The following MCPH1 variants were observed in gnomAD, a reference collection of about 807,000 sequenced individuals.
The protein encoded by MCPH1 is microcephalin 1.
MCPH1 carries 104 observed loss-of-function variants against 84.5 expected under a neutral mutation model. The ratio of observed to expected loss-of-function variants is 1.23; its 90% CI spans 1.05 to 1.45. MCPH1 has a LOEUF of 1.45. Ranked by LOEUF, MCPH1 falls within the 40% of genes most tolerant of loss-of-function variation. The pLI is 0.00. For missense variants in MCPH1, 1,498 were observed against 1,005.7 expected, an observed-to-expected ratio of 1.49 and a Z score of -6.62; for synonymous variants, 514 against 366.8, an observed-to-expected ratio of 1.40 and a Z score of -4.58.
Position 6,444,744 on chromosome 8 carries a change from G to C in MCPH1, c.1022G>C (p.Gly341Ala), listed in dbSNP as rs1394366505. 1 of 1,613,964 alleles carries C rather than the reference G, an allele frequency of 6.2e-7. No individual in the cohort carries two copies. The highest frequency in any genetic ancestry group is 8.5e-7 in the Non-Finnish European group (1 of 1,179,958). Residue 341 changes from glycine (G) to alanine (A), a missense_variant, in exon 8 of 14, where the codon GGC becomes GCC. By Grantham distance (60) the Gly-to-Ala change is moderately conservative. Coordinates refer to ENST00000344683, the MANE Select transcript of MCPH1 (RefSeq NM_024596.5). ...TCTCCTACCTTATCTTCAACAAAAG[G>C]CCACCTTTTGATACATTCAAGACCC... ...RLSPTLSSTKGHLLIHSRPRS... is the reference protein window; with the variant it reads ...RLSPTLSSTKAHLLIHSRPRS...
At chr8:6,639,024 G>A (rs752995689) in intron 13 of MCPH1, among the ~76,000 whole-genome samples, 12 of 152,218 alleles carry the variant, frequency 7.9e-5, no homozygotes, top group Non-Finnish European at 1.5e-4. Context: ...GCCATGAGAG[G>A]TGTAAGGTAC....
At position 6,645,407 on chromosome 8, in the gene MCPH1, A is replaced by G. The variant is rs910686167; in HGVS notation, c.*2358A>G. ...AGCCTTACTCAAAACATATAGGGCT[A>G]GAGGTTCTCAGGATTCTGAATTTTA... is the stretch of plus-strand genomic sequence containing the variant. On this transcript the variant is annotated 3_prime_UTR_variant, in exon 14 of 14. Transcript: ENST00000344683. The G allele has an allele frequency of 2.6e-5, 4 of 152,186 alleles. No individual in the cohort carries two copies. Among genetic ancestry groups the G allele is most frequent in the African/African-American group, 9.7e-5 (4 of 41,428 alleles). The allele number at this position is 152,186 out of a possible 1,614,324, so 9.4% of individuals were successfully genotyped here. A position where few individuals can be genotyped will look rare whatever the true frequency, so the allele number is the denominator to read the frequency against.
intron 9 of MCPH1, among the ~76,000 whole-genome samples, chr8:6,467,113 AATT>A (rs1807079021): frequency 6.6e-6 from 1 of 152,238 alleles, no homozygotes; most frequent in Non-Finnish European, 1.5e-5. Context: ...TTGTTAAAAA[AATT>A]ATGAGGTATT....
intron 3 of MCPH1, among the ~76,000 whole-genome samples, chr8:6,418,239 C>T (rs1472733022): frequency 3.3e-5 from 5 of 152,134 alleles, no homozygotes; most frequent in Admixed American, 6.5e-5. Context: ...GTGCTTGCTG[C>T]GCCACACCAG....
chr8:6,491,411 A>T (rs1487518972), intron 11 of MCPH1, among the ~76,000 whole-genome samples: 18 of 138,218 alleles, frequency 1.3e-4, no homozygotes, highest in African/African-American at 3.9e-4. Context: ...AAAGATTATT[A>T]TTAGGACAGA....
Position 6,466,495 on chromosome 8 carries a change from A to G in MCPH1, c.1936-11099A>G, listed in dbSNP as rs549995887. The stretch of plus-strand genomic sequence containing the variant: ...GCTAAGTTTTTGTATTTTCGGTAGC[A>G]ACGAGGTTTCGCCGTATTAGCCAGG... On this transcript the variant is annotated intron_variant, in intron 9 of 13. Coordinates refer to ENST00000344683, the MANE Select transcript of MCPH1 (RefSeq NM_024596.5). Among the ~76,000 whole-genome samples, 362 of 152,266 alleles carry G rather than the reference A, an allele frequency of 2.4e-3. 4 individuals are homozygous for G. Among genetic ancestry groups the G allele is most frequent in the African/African-American group, 8.4e-3 (351 of 41,542 alleles).
chr8:6,496,212 G>A (rs1017168073), intron 11 of MCPH1, among the ~76,000 whole-genome samples: 1 of 152,144 alleles, frequency 6.6e-6, no homozygotes, highest in Non-Finnish European at 1.5e-5. Flanking sequence ...ATCATCAGGC[G>A]TTAGATTCTC....
rs549929887 is a variant in MCPH1 at position 6,445,209 on chromosome 8, C to T, written c.1487C>T (p.Ser496Leu). The change falls in exon 8 of 14, where the codon TCG (serine) becomes TTG (leucine). Residue 496 changes from serine to leucine, a missense_variant. Physicochemically the swap from Ser to Leu is moderately radical, Grantham distance 145. Coordinates refer to ENST00000344683, the MANE Select transcript of MCPH1 (RefSeq NM_024596.5). Reference sequence around the variant, plus strand: ...GGAAATGGTGAAGGCCGTGCAACTTCGAGTTGCGTGACTTCTGCCCCTGAA... The same window carrying T: ...GGAAATGGTGAAGGCCGTGCAACTTTGAGTTGCGTGACTTCTGCCCCTGAA... ...KTGNGEGRAT[S>L]SCVTSAPEEA... The T allele has an allele frequency of 3.2e-5, 51 of 1,614,250 alleles. No homozygotes were observed. The highest frequency in any genetic ancestry group is 8.9e-5 in the East Asian group (4 of 44,892).
chr8:6,458,256 A>C (rs186471594), intron 9 of MCPH1, among the ~76,000 whole-genome samples: 44 of 152,214 alleles, frequency 2.9e-4, no homozygotes, highest in African/African-American at 1.0e-3. Flanking sequence ...GCAGATCATG[A>C]GGTCAGGAGA....
In MCPH1 at chr8:6,602,503, A is replaced by G. The variant is rs557490585; in HGVS notation, c.2215-18951A>G. 5.8e-4 allele frequency among the ~76,000 whole-genome samples: 88 copies of G among 152,118 alleles called. 2 individuals are homozygous for G. Among genetic ancestry groups the G allele is most frequent in the South Asian group, 2.1e-3 (10 of 4,812 alleles). The stretch of plus-strand genomic sequence containing the variant: ...ATCTGGATGCATGCGGGAGGAATGG[A>G]TGGAAGGGAGGGTGTGGGGCTGAGT... On this transcript the variant is annotated intron_variant, in intron 12 of 13. Coordinates refer to ENST00000344683, the MANE Select transcript of MCPH1 (RefSeq NM_024596.5).
intron 12 of MCPH1, among the ~76,000 whole-genome samples, chr8:6,548,304 C>T (rs547909524): frequency 1.3e-5 from 2 of 152,198 alleles, no homozygotes; most frequent in South Asian, 2.1e-4. Flanking sequence ...GGACTCTACT[C>T]GTGCGTCACT....
chr8:6,462,615 C>T (rs921187451), intron 9 of MCPH1, among the ~76,000 whole-genome samples: 1 of 152,180 alleles, frequency 6.6e-6, no homozygotes, highest in African/African-American at 2.4e-5. Context: ...AAGCATTGCC[C>T]CCAGAGCCAG....
intron 9 of MCPH1, among the ~76,000 whole-genome samples, chr8:6,473,556 C>G (rs569975932): frequency 5.9e-5 from 9 of 152,226 alleles, no homozygotes; most frequent in Admixed American, 3.9e-4. Flanking sequence ...TGGTCTCGAT[C>G]TGCTGAACTC....
intron 9 of MCPH1, chr8:6,474,325 G>A (rs961395491): frequency 4.4e-5 from 20 of 450,944 alleles, no homozygotes; most frequent in African/African-American, 3.8e-4. Flanking sequence ...TGGTGTACCT[G>A]GCTTTCTATG....
chr8:6,474,666 C>A (rs938028775), intron 9 of MCPH1, among the ~76,000 whole-genome samples: 1 of 152,104 alleles, frequency 6.6e-6, no homozygotes, highest in African/African-American at 2.4e-5. Flanking sequence ...ATCAGTAAAT[C>A]TGTATAGCTT....
intron 1 of MCPH1, among the ~76,000 whole-genome samples, chr8:6,408,643 C>A (rs1056354753): frequency 6.6e-6 from 1 of 151,304 alleles, no homozygotes; most frequent in African/African-American, 2.4e-5. Context: ...AGGGATTCTC[C>A]CACCTCAGCT....
At chr8:6,451,070 CAAAT>C (rs1805032657) in intron 8 of MCPH1, among the ~76,000 whole-genome samples, 1 of 152,186 alleles carries the variant, frequency 6.6e-6, no homozygotes. Flanking sequence ...ACTATTGTTG[CAAAT>C]AAATAGATAG....
At chr8:6,493,760 G>A (rs1810926271) in intron 11 of MCPH1, among the ~76,000 whole-genome samples, 8 of 152,194 alleles carry the variant, frequency 5.3e-5, no homozygotes, top group Middle Eastern at 3.4e-3. Context: ...CGTATTCGGG[G>A]GTGGAGATGA....
intron 12 of MCPH1, among the ~76,000 whole-genome samples, chr8:6,614,357 C>G (rs940542082): frequency 1.3e-5 from 2 of 152,206 alleles, no homozygotes; most frequent in Non-Finnish European, 2.9e-5. Context: ...TCCTTTATAG[C>G]TTTCCGCTGC....
Sources: allele counts gnomAD v4.1 joint callset (sites outside exome capture counted in the v4.1 genomes callset), GRCh38; gene constraint gnomAD v4.1.1; transcripts MANE v1.5; gene names NCBI Gene and HGNC (gene_info 2026-07-23, HGNC 2026-07-21).